RAP2C: variants seen among roughly 807,000 people sequenced by gnomAD.
RAP2C encodes the protein RAP2C, member of RAS oncogene family.
RAP2C carries 3 observed loss-of-function variants against 8.9 expected under a neutral mutation model. The observed-to-expected ratio is 0.34, with a 90% CI of 0.15 to 0.87. The LOEUF (loss-of-function observed/expected upper bound fraction) is 0.87. Ranked by LOEUF, RAP2C falls within the 40% of genes least tolerant of loss-of-function variation. The pLI is 0.51. For synonymous variants in RAP2C, 60 were observed against 52.1 expected, an observed-to-expected ratio of 1.15 and a Z score of -0.65; for missense variants, 76 against 133.7, an observed-to-expected ratio of 0.57 and a Z score of 2.13.
intron 4 of RAP2C, among the ~76,000 whole-genome samples, chrX:132,215,500 GCTTATTTCCCATT>G (rs1187445696): frequency 1.8e-5 from 2 of 111,414 alleles, no homozygotes; most frequent in African/African-American, 6.5e-5. Flanking sequence ...TCTAGGTTAC[GCTTATTTCCCATT>G]GTCTTTATGG....
intron 5 of RAP2C, among the ~76,000 whole-genome samples, chrX:132,211,013 C>T (rs1017680495): frequency 3.0e-4 from 33 of 110,522 alleles, no homozygotes; most frequent in African/African-American, 8.9e-4. Context: ...TGCTATTGCT[C>T]CCAATATCTC....
In RAP2C at chrX:132,214,393, G is replaced by T; in HGVS notation, c.327C>A (p.Val109=). Residue 109 remains valine, a synonymous_variant, in exon 5 of 6, where the codon GTC becomes GTA. Coordinates refer to ENST00000370874, the MANE Select transcript of RAP2C (RefSeq NM_001271186.2). ...QIVRVKRYEK[V]PLILVGNKVD... ...CTTTATTTCCTACTAGGATTAGTGG[G>T]ACTTTTTCATATCTCTTCACTCTGA... 2 of 1,210,846 alleles carry T rather than the reference G, an allele frequency of 1.7e-6. No homozygotes were observed. The highest frequency in any genetic ancestry group is 3.5e-5 in the South Asian group (2 of 56,932).
chrX:132,213,491 T>A (rs1380445337), intron 5 of RAP2C, among the ~76,000 whole-genome samples: 2 of 111,739 alleles, frequency 1.8e-5, no homozygotes, highest in Admixed American at 1.9e-4. Context: ...TAAATTTTTT[T>A]ATGCATGAAA....
intron 5 of RAP2C, among the ~76,000 whole-genome samples, chrX:132,210,867 A>G (rs892285336): frequency 9.0e-6 from 1 of 111,518 alleles, no homozygotes; most frequent in African/African-American, 3.3e-5. Context: ...CCTTACTATT[A>G]GGGAATCAAC....
intron 4 of RAP2C, among the ~76,000 whole-genome samples, chrX:132,215,104 G>A (rs754775598): frequency 9.1e-6 from 1 of 110,244 alleles, no homozygotes; most frequent in East Asian, 2.9e-4. Flanking sequence ...GAGTCTGGGT[G>A]GGAAGAAGTC....
intron 5 of RAP2C, among the ~76,000 whole-genome samples, chrX:132,209,517 A>C (rs1472243555): frequency 2.7e-5 from 3 of 112,255 alleles, no homozygotes; most frequent in Non-Finnish European, 3.8e-5. Context: ...AACAGCTGAC[A>C]GGACTTAAGT....
rs5977659 is a variant in RAP2C, at chrX:132,217,822, G to A, written c.-538-16C>T. The stretch of plus-strand genomic sequence containing the variant: ...GTCGTCCGGCCTGTGAAGGGGAGAA[G>A]GACGCACATTACCCGGCTGACCCCC... On this transcript the variant is annotated splice_polypyrimidine_tract_variant and intron_variant, in intron 3 of 5. Transcript: ENST00000370874. 0.1 allele frequency: 11,482 copies of A among 111,781 alleles called. 615 individuals are homozygous for A. Among genetic ancestry groups the A allele is most frequent in the African/African-American group, 0.21 (6,309 of 30,725 alleles). The allele number at this position is 111,781 out of a possible 1,213,427, so 9.2% of individuals were successfully genotyped here.
At chrX:132,218,093 A>ACCCCCCCCCCCCCCC (rs1930702581) in intron 2 of RAP2C, 81 bp from the exon 3 acceptor site, 1 of 23,689 alleles carries the variant, frequency 4.2e-5, no homozygotes. Context: ...TTTTTTTCTC[A>ACCCCCCCCCCCCCCC]CCCACCCCCC....
chrX:132,217,666 T>G lies in RAP2C; in HGVS notation c.-398A>C. 1 of 127,267 alleles carries G rather than the reference T, an allele frequency of 7.9e-6. No homozygotes were observed. Among genetic ancestry groups the G allele is most frequent in the Admixed American group, 8.9e-5 (1 of 11,287 alleles). 10.5% of individuals were successfully genotyped at this position (127,267 alleles called of 1,213,427 possible). A position where few individuals can be genotyped will look rare whatever the true frequency, so the allele number is the denominator to read the frequency against. The stretch of plus-strand genomic sequence containing the variant: ...GCAGCCCGGGGCTGCCCGGCACTCC[T>G]CCCCCGCCCTTCACACAAAGGGGCC... On this transcript the variant is annotated 5_prime_UTR_variant, in exon 4 of 6. Transcript: ENST00000370874.
chrX:132,217,256 T>G lies in RAP2C; in HGVS notation c.13A>C (p.Lys5Gln). The change falls in exon 4 of 6, where the codon AAG (lysine) becomes CAG (glutamine). Residue 5 changes from lysine to glutamine, a missense_variant. By Grantham distance (53) the Lys-to-Gln change is moderately conservative. Transcript: ENST00000370874. MREY[K>Q]VVVLGSGGVG... ...CCTCCACTCCCTAACACCACTACCT[T>G]GTATTCCCTCATGAGTCTCACCTTC... 8.9e-7 allele frequency: 1 copy of G among 1,117,486 alleles called. No individual in the cohort carries two copies. Among genetic ancestry groups the G allele is most frequent in the Non-Finnish European group, 1.2e-6 (1 of 847,223 alleles). The allele number at this position is 1,117,486 out of a possible 1,213,427, so 92.1% of individuals were successfully genotyped here.
At chrX:132,207,890 G>A (rs761687619) in intron 5 of RAP2C, among the ~76,000 whole-genome samples, 1 of 111,112 alleles carries the variant, frequency 9.0e-6, no homozygotes, top group South Asian at 3.7e-4. Flanking sequence ...TCACTCTCAA[G>A]TTTCCAGCAA....
chrX:132,203,936 C>T lies in RAP2C; in HGVS notation c.*1686G>A, dbSNP rs998633119. Reference sequence around the variant, plus strand: ...AATCAAAGTTTAGTCAATTTCTACTCAGTAATTAATGGTCATGCTGACCCA... The same window carrying T: ...AATCAAAGTTTAGTCAATTTCTACTTAGTAATTAATGGTCATGCTGACCCA... On this transcript the variant is annotated 3_prime_UTR_variant, in exon 6 of 6. Transcript: ENST00000370874. 8.9e-6 allele frequency: 1 copy of T among 112,235 alleles called. No individual in the cohort carries two copies. The highest frequency in any genetic ancestry group is 1.9e-5 in the Non-Finnish European group (1 of 53,124). 9.2% of individuals were successfully genotyped at this position (112,235 alleles called of 1,213,427 possible). A position where few individuals can be genotyped will look rare whatever the true frequency, so the allele number is the denominator to read the frequency against.
intron 5 of RAP2C, among the ~76,000 whole-genome samples, chrX:132,208,919 G>A (rs1019401453): frequency 9.0e-6 from 1 of 111,469 alleles, no homozygotes. Context: ...CTTCCACCTC[G>A]GCTTCCCAAA....
At chrX:132,215,402 C>T (rs781719299) in intron 4 of RAP2C, among the ~76,000 whole-genome samples, 3 of 111,426 alleles carry the variant, frequency 2.7e-5, no homozygotes, top group East Asian at 5.6e-4. Context: ...TGTGGGCCTA[C>T]GGAAAAGCAA....
In RAP2C at chrX:132,217,248, C is replaced by A; in HGVS notation, c.21G>T (p.Val7=). 2 of 1,130,803 alleles carry A rather than the reference C, an allele frequency of 1.8e-6. No individual in the cohort carries two copies. Among genetic ancestry groups the A allele is most frequent in the South Asian group, 2.3e-5 (1 of 43,648 alleles). The allele number at this position is 1,130,803 out of a possible 1,213,427, so 93.2% of individuals were successfully genotyped here. The change falls in exon 4 of 6, where the codon GTG becomes GTT. Residue 7 remains valine (V), a synonymous_variant. Coordinates refer to ENST00000370874, the MANE Select transcript of RAP2C (RefSeq NM_001271186.2). MREYKV[V]VLGSGGVGKS... is the part of the protein sequence containing the mutation. Reference sequence around the variant, plus strand: ...TGCCAACCCCTCCACTCCCTAACACCACTACCTTGTATTCCCTCATGAGTC... The same window carrying A: ...TGCCAACCCCTCCACTCCCTAACACAACTACCTTGTATTCCCTCATGAGTC...
Position 132,205,286 on chromosome X carries a change from G to A in RAP2C, c.*336C>T, listed in dbSNP as rs1433853242. 3.6e-5 allele frequency: 4 copies of A among 112,024 alleles called. No homozygotes were observed. Among genetic ancestry groups the A allele is most frequent in the African/African-American group, 9.7e-5 (3 of 30,808 alleles). 9.2% of individuals were successfully genotyped at this position (112,024 alleles called of 1,213,427 possible). On this transcript the variant is annotated 3_prime_UTR_variant, in exon 6 of 6. Coordinates refer to ENST00000370874, the MANE Select transcript of RAP2C (RefSeq NM_001271186.2). ...TTTGAGTATTTAATAAATACAAGTC[G>A]AGAAACTGATTAAAGAAATCAATTA...
chrX:132,218,492 A>G (rs1930745122), intron 1 of RAP2C, 151 bp from the exon 2 acceptor site: 1 of 111,120 alleles, frequency 9.0e-6, no homozygotes, highest in African/African-American at 3.3e-5. Context: ...CTAATAATCT[A>G]GCGACCGGGA....
chrX:132,215,165 GTAT>G, intron 4 of RAP2C, among the ~76,000 whole-genome samples: 1 of 108,529 alleles, frequency 9.2e-6, no homozygotes, highest in African/African-American at 3.3e-5. Flanking sequence ...TTCCCCATGC[GTAT>G]TACTTTTTCC....
chrX:132,208,685 G>A (rs1930343817), intron 5 of RAP2C, among the ~76,000 whole-genome samples: 1 of 109,200 alleles, frequency 9.2e-6, no homozygotes, highest in African/African-American at 3.3e-5. Flanking sequence ...TTCAGAGACA[G>A]GATCTTGCTC....
Sources: gnomAD v4.1 joint callset for allele counts (sites outside exome capture counted in the v4.1 genomes callset) on GRCh38, gnomAD v4.1.1 for gene constraint, MANE v1.5 for transcripts, NCBI Gene and HGNC (gene_info 2026-07-23, HGNC 2026-07-21) for gene names.